GNAL: variants seen among roughly 807,000 people sequenced by gnomAD.
The protein encoded by GNAL is guanine nucleotide-binding protein G(olf) subunit alpha.
GNAL carries 18 observed loss-of-function variants against 55.1 expected under a neutral mutation model. The ratio of observed to expected loss-of-function variants is 0.33; its 90% CI spans 0.23 to 0.48. The LOEUF (loss-of-function observed/expected upper bound fraction) is 0.48. Ranked by LOEUF, GNAL falls within the 20% of genes least tolerant of loss-of-function variation. The pLI, the probability that GNAL is intolerant of heterozygous loss-of-function variation, is 0.99. For synonymous variants in GNAL, 253 were observed against 237.0 expected (o/e 1.07, Z -0.62); for missense variants, 412 against 614.1 (o/e 0.67, Z 3.48).
intron 1 of GNAL, among the ~76,000 whole-genome samples, chr18:11,736,427 T>C (rs2032465259): frequency 6.6e-6 from 1 of 152,226 alleles, no homozygotes; most frequent in South Asian, 2.1e-4. Flanking sequence ...TTTGTGGTTT[T>C]ATTTTTTTGT....
chr18:11,753,006 A>G (rs975671070), intron 2 of GNAL, 81 bp downstream of exon 2: 7 of 738,698 alleles, frequency 9.5e-6, no homozygotes, highest in African/African-American at 8.9e-5. Context: ...TTCTCTAAAC[A>G]ATTTTAATTT....
At chr18:11,703,329 T>C (rs1223543984) in intron 1 of GNAL, among the ~76,000 whole-genome samples, 1 of 152,232 alleles carries the variant, frequency 6.6e-6, no homozygotes, top group African/African-American at 2.4e-5. Flanking sequence ...TGAAAATCCA[T>C]TTAGAATATG....
At chr18:11,779,583 C>T (rs564460857) in intron 4 of GNAL, among the ~76,000 whole-genome samples, 1 of 152,164 alleles carries the variant, frequency 6.6e-6, no homozygotes, top group Non-Finnish European at 1.5e-5. Flanking sequence ...CTTGACCATC[C>T]TACAAACAAT....
At position 11,703,402 on chromosome 18, in the gene GNAL, T is replaced by A. The variant is rs11873132; in HGVS notation, c.376+13463T>A. On this transcript the variant is annotated intron_variant, in intron 1 of 11. Transcript: ENST00000334049. ...TCTTTTTTAAGAAAATATAGAAACG[T>A]GTTATTTGTTATAGGTTTTCATTGT... Among the ~76,000 whole-genome samples, 934 of 152,316 alleles carry A rather than the reference T, an allele frequency of 6.1e-3. 4 individuals carry two copies. Among genetic ancestry groups the A allele is most frequent in the African/African-American group, 0.021 (874 of 41,568 alleles).
chr18:11,745,769 G>T lies in GNAL; in HGVS notation c.377-7084G>T, dbSNP rs80159898. 1.3e-3 allele frequency: 219 copies of T among 162,418 alleles called. 7 individuals carry two copies. The East Asian group carries it at 0.033, about 24-fold the overall frequency. 10.1% of individuals were successfully genotyped at this position (162,418 alleles called of 1,614,324 possible). A position where few individuals can be genotyped will look rare whatever the true frequency, so the allele number is the denominator to read the frequency against. Reference sequence around the variant, plus strand: ...TTGATCAGCTATTTGGAATGCAGCCGATTTGAGTGAAGAAATATCCATATT... The same window carrying T: ...TTGATCAGCTATTTGGAATGCAGCCTATTTGAGTGAAGAAATATCCATATT... On this transcript the variant is annotated intron_variant, in intron 1 of 11. Transcript: ENST00000334049.
At chr18:11,870,497 G>C (rs2036372109) in intron 9 of GNAL, among the ~76,000 whole-genome samples, 1 of 152,020 alleles carries the variant, frequency 6.6e-6, no homozygotes, top group Non-Finnish European at 1.5e-5. Context: ...CTCCAGCCTG[G>C]GCAACAGAGT....
intron 1 of GNAL, among the ~76,000 whole-genome samples, chr18:11,726,405 CT>C (rs1447179462): frequency 2.6e-5 from 4 of 152,226 alleles, no homozygotes; most frequent in African/African-American, 9.7e-5. Flanking sequence ...GCAAATGCCA[CT>C]GCTTATTAAT....
chr18:11,760,521 T>C (rs2033206750), intron 4 of GNAL, among the ~76,000 whole-genome samples: 1 of 152,238 alleles, frequency 6.6e-6, no homozygotes, highest in Non-Finnish European at 1.5e-5. Flanking sequence ...TACCATGTTT[T>C]CCTTCCAGTA....
chr18:11,743,677 T>C (rs1167038378), intron 1 of GNAL, among the ~76,000 whole-genome samples: 1 of 152,234 alleles, frequency 6.6e-6, no homozygotes, highest in African/African-American at 2.4e-5. Flanking sequence ...TAAAACACAT[T>C]GGCTAAACAA....
intron 10 of GNAL, 50 bp from the exon 11 acceptor site, chr18:11,876,571 T>C (rs749135212): frequency 9.3e-7 from 1 of 1,076,324 alleles, no homozygotes; most frequent in South Asian, 1.3e-5. Flanking sequence ...CGTAGAGTTG[T>C]ATCTTTGTTT....
rs116412013 is a variant in GNAL, at chr18:11,740,392, C to T, written c.377-12461C>T. Among the ~76,000 whole-genome samples the T allele has an allele frequency of 4.4e-3, 668 of 152,176 alleles. 2 individuals carry two copies. The highest frequency in any genetic ancestry group is 0.015 in the African/African-American group (621 of 41,508). On this transcript the variant is annotated intron_variant, in intron 1 of 11. Coordinates refer to ENST00000334049, the MANE Select transcript of GNAL (RefSeq NM_182978.4). ...CTAAGGATGACCAAGATCTGGGTAC[C>T]GTCCCTGCTCGCTGCTACTGGAGAG...
At chr18:11,821,720 T>C (rs977103613) in intron 4 of GNAL, among the ~76,000 whole-genome samples, 7 of 151,980 alleles carry the variant, frequency 4.6e-5, no homozygotes, top group Non-Finnish European at 1.0e-4. Flanking sequence ...GCTGCGGGGG[T>C]GCACTGTTTG....
In GNAL at chr18:11,884,411, C is replaced by A. The variant is rs2036863654; in HGVS notation, c.*3276C>A. 7.5e-6 allele frequency: 12 copies of A among 1,601,396 alleles called. No homozygotes were observed. The highest frequency in any genetic ancestry group is 1.0e-5 in the Non-Finnish European group (12 of 1,170,814). On this transcript the variant is annotated 3_prime_UTR_variant, in exon 12 of 12. Coordinates refer to ENST00000334049, the MANE Select transcript of GNAL (RefSeq NM_182978.4). Reference sequence around the variant, plus strand: ...ATGATCTCTGCCCAAAGTTCCATTTCTTGGGCTTTGATATTTATAATGGCG... The same window carrying A: ...ATGATCTCTGCCCAAAGTTCCATTTATTGGGCTTTGATATTTATAATGGCG...
Position 11,689,922 on chromosome 18 carries a change from A to C in GNAL, c.359A>C (p.His120Pro). 7.0e-7 allele frequency: 1 copy of C among 1,422,646 alleles called. No individual in the cohort carries two copies. The highest frequency in any genetic ancestry group is 9.2e-7 in the Non-Finnish European group (1 of 1,085,212). The allele number at this position is 1,422,646 out of a possible 1,614,324, so 88.1% of individuals were successfully genotyped here. A position where few individuals can be genotyped will look rare whatever the true frequency, so the allele number is the denominator to read the frequency against. ...RDQKRDLQQT[H>P]RLLLLGAGES... ...CAGAAGCGCGACCTGCAGCAGACGC[A>C]CCGGCTCCTGCTGCTCGGTAGGTCC... is the stretch of plus-strand genomic sequence containing the variant. Residue 120 changes from histidine to proline, a missense_variant, in exon 1 of 12, where the codon CAC (histidine) becomes CCC (proline). Around this residue, in one of 5 missense-constraint regions of GNAL, gnomAD observed 228 missense variants for 194.8 expected, o/e 1.17. Transcript: ENST00000334049.
chr18:11,797,247 G>A (rs1326233523), intron 4 of GNAL, among the ~76,000 whole-genome samples: 1 of 151,782 alleles, frequency 6.6e-6, no homozygotes, highest in Non-Finnish European at 1.5e-5. Flanking sequence ...TTCTTAAAAA[G>A]ACAGCATCTT....
At chr18:11,727,975 C>T (rs1444106538) in intron 1 of GNAL, among the ~76,000 whole-genome samples, 2 of 152,074 alleles carry the variant, frequency 1.3e-5, no homozygotes, top group Non-Finnish European at 2.9e-5. Flanking sequence ...GCCTATAACC[C>T]CAACAATCTG....
chr18:11,864,727 A>G, intron 7 of GNAL, 121 bp downstream of exon 7: 2 of 687,096 alleles, frequency 2.9e-6, no homozygotes, highest in South Asian at 3.2e-5. Flanking sequence ...AGGTAAGAGC[A>G]GCTGGGGTGA....
chr18:11,768,893 C>CA lies in GNAL; in HGVS notation c.624+14963dup, dbSNP rs201256718. ...TGGGCGACGGAGCAAGACTCTGTCT[C>CA]AAAAAAAAAAAAAAATATATATATA... is the stretch of plus-strand genomic sequence containing the variant. On this transcript the variant is annotated intron_variant, in intron 4 of 11. Coordinates refer to ENST00000334049, the MANE Select transcript of GNAL (RefSeq NM_182978.4). Among the ~76,000 whole-genome samples, 111 of 79,600 alleles carry CA rather than the reference C, an allele frequency of 1.4e-3. No individual in the cohort carries two copies. In the East Asian group the frequency reaches 0.016, roughly 12 times the overall value. 52.2% of individuals were successfully genotyped at this position (79,600 alleles called of 152,430 possible). A position where few individuals can be genotyped will look rare whatever the true frequency, so the allele number is the denominator to read the frequency against.
chr18:11,763,886 C>T (rs1041778833), intron 4 of GNAL, among the ~76,000 whole-genome samples: 1 of 152,066 alleles, frequency 6.6e-6, no homozygotes, highest in Non-Finnish European at 1.5e-5. Context: ...CTGACATTGA[C>T]TTTGTAGAAC....
Sources: allele counts gnomAD v4.1 joint callset (sites outside exome capture counted in the v4.1 genomes callset), GRCh38; gene constraint gnomAD v4.1.1; regional missense constraint gnomAD v4.1.1; transcripts MANE v1.5; gene names NCBI Gene and HGNC (gene_info 2026-07-23, HGNC 2026-07-21).